The following ATAD5 variants were observed in gnomAD, a reference collection of about 807,000 sequenced individuals.
ATAD5 encodes ATPase family AAA domain containing 5, also known as ATPase family AAA domain-containing protein 5.
A neutral mutation model predicts 176.9 loss-of-function variants in ATAD5; 58 were observed. That is an observed-to-expected ratio of 0.33 (90% CI 0.27 to 0.41). The LOEUF is 0.41. Among genes scored for constraint, ATAD5 ranks in the 10% least tolerant of loss-of-function variants. The pLI is 1.00. For missense variants in ATAD5, 1,789 were observed against 2,094.1 expected (o/e 0.85, Z 2.84); for synonymous variants, 640 against 712.6 (o/e 0.90, Z 1.62).
intron 18 of ATAD5, among the ~76,000 whole-genome samples, chr17:30,880,194 C>G (rs1908930294): frequency 6.6e-6 from 1 of 152,066 alleles, no homozygotes; most frequent in South Asian, 2.1e-4. Flanking sequence ...GTCCTACCTA[C>G]TCAGGAGGCT....
At chr17:30,843,747 T>TG (rs1318142545) in intron 4 of ATAD5, among the ~76,000 whole-genome samples, 166 bp from the exon 5 acceptor site, 1 of 152,162 alleles carries the variant, frequency 6.6e-6, no homozygotes, top group Non-Finnish European at 1.5e-5. Context: ...CATGGACTCC[T>TG]GCTATTCTAT....
chr17:30,893,456 G>A lies in ATAD5; in HGVS notation c.4603G>A (p.Val1535Met), dbSNP rs756282201. 145 of 1,613,798 alleles carry A rather than the reference G, an allele frequency of 9.0e-5. No homozygotes were observed. Among genetic ancestry groups the A allele is most frequent in the Non-Finnish European group, 1.2e-4 (137 of 1,179,934 alleles). ...TKNFCGPSVT[V>M]DASAATKSMN... ...AAACTTTTGTGGCCCATCAGTAACT[G>A]TGGATGCCAGTGCAGCAACAAAAAG... Residue 1535 changes from valine (V) to methionine (M), a missense_variant, in exon 21 of 23, where the codon GTG becomes ATG. Val to Met is a conservative substitution (Grantham distance 21). Around this residue, in one of 6 missense-constraint regions of ATAD5, gnomAD observed 403 missense variants for 495.1 expected, o/e 0.81. Coordinates refer to ENST00000321990, the MANE Select transcript of ATAD5 (RefSeq NM_024857.5).
At position 30,851,224 on chromosome 17, in the gene ATAD5, C is replaced by T. The variant is rs1211733612; in HGVS notation, c.2451-3919C>T. Among the ~76,000 whole-genome samples the T allele has an allele frequency of 1.1e-4, 16 of 148,580 alleles. No individual in the cohort carries two copies. In the East Asian group the frequency reaches 1.1e-3, roughly 10 times the overall value. ...ATATTTAAAAATTCTGAGCTGGGTG[C>T]GGTGGCTCACATCTATAATCCCAGC... On this transcript the variant is annotated intron_variant, in intron 6 of 22. Coordinates refer to ENST00000321990, the MANE Select transcript of ATAD5 (RefSeq NM_024857.5).
chr17:30,841,524 G>A (rs974596504), intron 4 of ATAD5, among the ~76,000 whole-genome samples: 2 of 152,124 alleles, frequency 1.3e-5, no homozygotes, highest in Non-Finnish European at 1.5e-5. Context: ...CATTTAAAGT[G>A]TACAATTCAG....
chr17:30,840,148 A>C (rs1354044934), intron 3 of ATAD5, among the ~76,000 whole-genome samples: 2 of 146,776 alleles, frequency 1.4e-5, no homozygotes, highest in African/African-American at 5.0e-5. Context: ...CACTGAGCCG[A>C]GATCATGCCA....
chr17:30,878,731 T>TGTTTTTTTG (rs1402170397), intron 17 of ATAD5, among the ~76,000 whole-genome samples: 2 of 124,138 alleles, frequency 1.6e-5, no homozygotes, highest in African/African-American at 6.4e-5. Flanking sequence ...TTTTTTTTTT[T>TGTTTTTTTG]TTTTTTTTTT....
In ATAD5 at chr17:30,856,988, G is replaced by T. The variant is rs1309994591; in HGVS notation, c.2669G>T (p.Cys890Phe). ...TTGTGGCATTTGAAACCACCCTCTT[G>T]TCCTCTCTTAACTAAATTTAAAGAA... ...CCLWHLKPPS[C>F]PLLTKFKELN... is the part of the protein sequence containing the mutation. The change falls in exon 8 of 23, where the codon TGT becomes TTT. Residue 890 changes from cysteine to phenylalanine, a missense_variant. This residue lies in a region of ATAD5 where 487 missense variants were observed against 573.6 expected (regional missense o/e 0.85). Transcript: ENST00000321990. 6.2e-7 allele frequency: 1 copy of T among 1,601,758 alleles called. No individual in the cohort carries two copies.
intron 6 of ATAD5, among the ~76,000 whole-genome samples, chr17:30,846,170 T>C (rs1285579314): frequency 6.6e-6 from 1 of 152,192 alleles, no homozygotes; most frequent in Non-Finnish European, 1.5e-5. Flanking sequence ...TACCAAAATA[T>C]TCGATTTCTA....
Position 30,835,162 on chromosome 17 carries a change from G to T in ATAD5, c.1081G>T (p.Glu361Ter). Reference sequence around the variant, plus strand: ...AAATAGTTTATCTGATCCTGAGAATGAACAGACAGTTCAGAAAAGAAAATC... The same window carrying T: ...AAATAGTTTATCTGATCCTGAGAATTAACAGACAGTTCAGAAAAGAAAATC... ...MENSLSDPENEQTVQKRKSNV... is the reference protein window; with the variant it reads ...MENSLSDPEN Residue 361 changes from glutamate to a stop codon, truncating the protein, a stop_gained, in exon 2 of 23, where the codon GAA (glutamate) becomes TAA (stop). Transcript: ENST00000321990. LOFTEE classifies it high-confidence loss of function. 6.2e-7 allele frequency: 1 copy of T among 1,614,032 alleles called. No individual in the cohort carries two copies. Among genetic ancestry groups the T allele is most frequent in the South Asian group, 1.1e-5 (1 of 91,034 alleles).
chr17:30,852,787 G>T (rs1466365911), intron 6 of ATAD5, among the ~76,000 whole-genome samples: 2 of 151,972 alleles, frequency 1.3e-5, no homozygotes, highest in East Asian at 3.9e-4. Context: ...AGATGGAGAA[G>T]TTACTCATTA....
intron 6 of ATAD5, among the ~76,000 whole-genome samples, chr17:30,847,107 T>C (rs187148633): frequency 6.6e-6 from 1 of 152,144 alleles, no homozygotes; most frequent in Admixed American, 6.6e-5. Context: ...AAAAAAAGTC[T>C]TCTTGTGCCT....
intron 10 of ATAD5, among the ~76,000 whole-genome samples, chr17:30,861,030 C>T (rs1309971104): frequency 6.6e-6 from 1 of 151,996 alleles, no homozygotes; most frequent in African/African-American, 2.4e-5. Flanking sequence ...GTCTCGAACT[C>T]CTGACCGCAT....
At chr17:30,894,530 A>G (rs1466479692) in intron 21 of ATAD5, 34 bp from the exon 22 acceptor site, 2 of 1,577,100 alleles carry the variant, frequency 1.3e-6, no homozygotes, top group Non-Finnish European at 1.7e-6. Flanking sequence ...TTTCTTGGGC[A>G]TTAAAAATTA....
intron 18 of ATAD5, among the ~76,000 whole-genome samples, chr17:30,884,312 C>T (rs1259876758): frequency 5.3e-5 from 8 of 151,760 alleles, no homozygotes; most frequent in East Asian, 1.9e-4. Flanking sequence ...TGAGCCATCG[C>T]GCCAGGCTGT....
Position 30,884,424 on chromosome 17 carries a change from C to CTTT in ATAD5, c.4078-2748_4078-2746dup, listed in dbSNP as rs61664127. Among the ~76,000 whole-genome samples, 531 of 80,734 alleles carry CTTT rather than the reference C, an allele frequency of 6.6e-3. 3 individuals carry two copies. Among genetic ancestry groups the CTTT allele is most frequent in the Middle Eastern group, 0.015 (1 of 66 alleles). The allele number at this position is 80,734 out of a possible 152,430, so 53.0% of individuals were successfully genotyped here. On this transcript the variant is annotated intron_variant, in intron 18 of 22. Coordinates refer to ENST00000321990, the MANE Select transcript of ATAD5 (RefSeq NM_024857.5). ...ACTTGCATTATATTTCTTTTCTTTT[C>CTTT]TTTTTTTTTTTTTTTTTTTTTTGAG...
Position 30,835,948 on chromosome 17 carries a change from C to T in ATAD5, c.1867C>T (p.Leu623=). 1 of 1,614,102 alleles carries T rather than the reference C, an allele frequency of 6.2e-7. No individual in the cohort carries two copies. The highest frequency in any genetic ancestry group is 8.5e-7 in the Non-Finnish European group (1 of 1,180,010). ...TGACGATGTACAAGATAATAGTCAA[C>T]TAAAGGCTTCCACTCAAAAAGCAGC... The part of the protein sequence containing the change: ...DSDDVQDNSQ[L]KASTQKAANL... Residue 623 remains leucine (L), a synonymous_variant, in exon 2 of 23, where the codon CTA becomes TTA. Coordinates refer to ENST00000321990, the MANE Select transcript of ATAD5 (RefSeq NM_024857.5).
intron 8 of ATAD5, 140 bp from the exon 9 acceptor site, chr17:30,858,020 AG>A (rs1907389041): frequency 1.6e-6 from 1 of 623,174 alleles, no homozygotes; most frequent in Non-Finnish European, 2.4e-6. Flanking sequence ...CTGGGAATAT[AG>A]GCGTGAGCCA....
At chr17:30,879,322 C>G in intron 17 of ATAD5, 101 bp from the exon 18 acceptor site, 1 of 1,319,674 alleles carries the variant, frequency 7.6e-7, no homozygotes, top group Non-Finnish European at 1.1e-6. Flanking sequence ...GGTGGGGAGG[C>G]GGGTGCTGAA....
intron 6 of ATAD5, among the ~76,000 whole-genome samples, chr17:30,845,918 G>GT (rs1214001040): frequency 2.0e-5 from 3 of 152,216 alleles, no homozygotes; most frequent in Non-Finnish European, 4.4e-5. Flanking sequence ...TGACATGTAA[G>GT]TTCTAGTTTA....
Sources: allele counts gnomAD v4.1 joint callset (sites outside exome capture counted in the v4.1 genomes callset), GRCh38; gene constraint gnomAD v4.1.1; regional missense constraint gnomAD v4.1.1; transcripts MANE v1.5; gene names NCBI Gene and HGNC (gene_info 2026-07-23, HGNC 2026-07-21).